Variants in SS18 observed in about 807,000 individuals in gnomAD.
SS18 encodes SS18 subunit of BAF chromatin remodeling complex.
SS18 carries 28 observed loss-of-function variants against 72.5 expected under a neutral mutation model. That is an observed-to-expected ratio of 0.39 (90% CI 0.29 to 0.53). SS18 has a LOEUF of 0.53. SS18 is among the 20% of genes least tolerant of loss of function. SS18 has a pLI of 0.76. For missense variants in SS18, 518 were observed against 535.3 expected (o/e 0.97, Z 0.32); for synonymous variants, 172 against 164.2 (o/e 1.05, Z -0.37).
intron 1 of SS18, among the ~76,000 whole-genome samples, chr18:26,088,336 T>C (rs1439142707): frequency 3.9e-5 from 6 of 152,214 alleles, no homozygotes; most frequent in African/African-American, 1.4e-4. Flanking sequence ...AATAAATACA[T>C]GAAAACTTCA....
chr18:26,053,166 T>C lies in SS18; in HGVS notation c.386-321A>G, dbSNP rs758296839. The stretch of plus-strand genomic sequence containing the variant: ...ATAAATGAATAGACTAACAGATCGA[T>C]TGAACAGAACAGAGTCTAAAAGTAG... On this transcript the variant is annotated intron_variant, in intron 4 of 10. Transcript: ENST00000415083. 3.3e-4 allele frequency among the ~76,000 whole-genome samples: 50 copies of C among 152,154 alleles called. 1 individual carries two copies. The highest frequency in any genetic ancestry group is 9.4e-4 in the African/African-American group (39 of 41,430).
chr18:26,024,452 G>C (rs1426276807), intron 10 of SS18, among the ~76,000 whole-genome samples: 2 of 152,132 alleles, frequency 1.3e-5, no homozygotes, highest in Non-Finnish European at 2.9e-5. Flanking sequence ...GCCTCCTGAA[G>C]AGCTGGGACT....
At chr18:26,090,269 T>C in intron 1 of SS18, 1 of 553,372 alleles carries the variant, frequency 1.8e-6, no homozygotes, top group East Asian at 3.3e-5. Context: ...GTTTGGGCTT[T>C]TGTGTCTGTA....
intron 3 of SS18, among the ~76,000 whole-genome samples, chr18:26,076,491 T>G (rs1490572932): frequency 6.6e-6 from 1 of 151,864 alleles, no homozygotes. Flanking sequence ...TTCCTCACAT[T>G]ATTCACGAAA....
chr18:26,090,723 A>G (rs553096896), upstream of SS18: 3 of 746,990 alleles, frequency 4.0e-6, no homozygotes, highest in African/African-American at 5.2e-5. Context: ...GCAGGCCTGA[A>G]GGAGGCACTC....
intron 3 of SS18, among the ~76,000 whole-genome samples, chr18:26,063,672 T>A (rs924813920): frequency 1.3e-5 from 2 of 152,224 alleles, no homozygotes; most frequent in African/African-American, 4.8e-5. Flanking sequence ...CAGGACCATT[T>A]ATAGCTTTAA....
intron 2 of SS18, among the ~76,000 whole-genome samples, chr18:26,084,366 A>T (rs1418358602): frequency 6.6e-6 from 1 of 152,232 alleles, no homozygotes; most frequent in African/African-American, 2.4e-5. Context: ...TTTGGTAACC[A>T]CTTAAAGTGA....
chr18:26,020,870 G>A (rs2053336799), intron 10 of SS18, among the ~76,000 whole-genome samples: 1 of 152,092 alleles, frequency 6.6e-6, no homozygotes, highest in South Asian at 2.1e-4. Context: ...AAGGCATGGA[G>A]GATAAAACAC....
chr18:26,076,310 G>A (rs932093500), intron 3 of SS18, among the ~76,000 whole-genome samples: 1 of 150,904 alleles, frequency 6.6e-6, no homozygotes, highest in Non-Finnish European at 1.5e-5. Context: ...TAACAAGAGA[G>A]TGGAATTCAT....
chr18:26,043,437 T>C (rs1009580532), intron 5 of SS18, among the ~76,000 whole-genome samples: 1 of 152,188 alleles, frequency 6.6e-6, no homozygotes, highest in Non-Finnish European at 1.5e-5. Context: ...CACATTCATA[T>C]TTCATCATTT....
chr18:26,090,929 G>A, upstream of SS18: 1 of 340,046 alleles, frequency 2.9e-6, no homozygotes, highest in Non-Finnish European at 5.4e-6. Context: ...GAGAAGGAGA[G>A]GCTGGGGCAG....
chr18:26,038,411 G>A (rs1045756865), intron 7 of SS18, 144 bp downstream of exon 7: 2 of 668,224 alleles, frequency 3.0e-6, no homozygotes, highest in Non-Finnish European at 5.3e-6. Context: ...GCTATCATTG[G>A]TACTTTAGAG....
chr18:26,074,144 T>C (rs2054366380), intron 3 of SS18, among the ~76,000 whole-genome samples: 1 of 152,136 alleles, frequency 6.6e-6, no homozygotes, highest in Admixed American at 6.5e-5. Context: ...TTGGAAGAAC[T>C]GTTTAACTCA....
intron 2 of SS18, among the ~76,000 whole-genome samples, chr18:26,084,380 C>T (rs2054581369): frequency 6.6e-6 from 1 of 152,106 alleles, no homozygotes; most frequent in Non-Finnish European, 1.5e-5. Flanking sequence ...AAAGTGATAA[C>T]TATTTTAGGC....
intron 10 of SS18, among the ~76,000 whole-genome samples, chr18:26,027,053 A>G (rs115563794): frequency 5.8e-4 from 88 of 152,296 alleles, no homozygotes; most frequent in African/African-American, 2.0e-3. Context: ...AATTACAATG[A>G]AACTCCTAGT....
chr18:26,030,156 A>G (rs1478899973), intron 10 of SS18, among the ~76,000 whole-genome samples: 4 of 152,232 alleles, frequency 2.6e-5, no homozygotes, highest in Admixed American at 2.6e-4. Flanking sequence ...GATAAAGTTC[A>G]AGTCCCCTAA....
At chr18:26,029,356 C>T (rs2053504897) in intron 10 of SS18, among the ~76,000 whole-genome samples, 1 of 152,166 alleles carries the variant, frequency 6.6e-6, no homozygotes, top group Non-Finnish European at 1.5e-5. Context: ...TAAAACATTA[C>T]TCTGGGTCCC....
intron 3 of SS18, among the ~76,000 whole-genome samples, chr18:26,074,939 A>AAAT (rs2054384834): frequency 6.6e-6 from 1 of 151,944 alleles, no homozygotes; most frequent in Admixed American, 6.5e-5. Context: ...GACATTAGGA[A>AAAT]AATAAGATTA....
intron 3 of SS18, among the ~76,000 whole-genome samples, chr18:26,060,276 G>A (rs920058145): frequency 2.0e-5 from 3 of 152,146 alleles, no homozygotes; most frequent in Non-Finnish European, 2.9e-5. Flanking sequence ...TATGCCAAGT[G>A]AAAGAAGATG....
Sources: gnomAD v4.1 joint callset for allele counts (sites outside exome capture counted in the v4.1 genomes callset) on GRCh38, gnomAD v4.1.1 for gene constraint, MANE v1.5 for transcripts, NCBI Gene and HGNC (gene_info 2026-07-23, HGNC 2026-07-21) for gene names.